ZBTB40: variants seen among roughly 807,000 people sequenced by gnomAD.
ZBTB40 encodes the protein zinc finger and BTB domain-containing protein 40.
ZBTB40 carries 60 observed loss-of-function variants against 117.5 expected under a neutral mutation model. The observed-to-expected ratio is 0.51, with a 90% CI of 0.41 to 0.63. ZBTB40 has a LOEUF of 0.63. ZBTB40 is among the 30% of genes least tolerant of loss of function. ZBTB40 has a pLI of 0.00. For missense variants in ZBTB40, 1,287 were observed against 1,498.5 expected, an observed-to-expected ratio of 0.86 and a Z score of 2.33; for synonymous variants, 525 against 577.1, an observed-to-expected ratio of 0.91 and a Z score of 1.29.
chr1:22,443,496 T>G (rs1640756063), intron 1 of ZBTB40, among the ~76,000 whole-genome samples: 1 of 152,250 alleles, frequency 6.6e-6, no homozygotes, highest in Admixed American at 6.5e-5. Context: ...AGAGTTGAAG[T>G]CAGCAGAAAG....
At chr1:22,487,214 C>G (rs1212688462) in intron 1 of ZBTB40, among the ~76,000 whole-genome samples, 1 of 152,090 alleles carries the variant, frequency 6.6e-6, no homozygotes. Flanking sequence ...CCTGACATAC[C>G]AGAATGGAAA....
intron 5 of ZBTB40, among the ~76,000 whole-genome samples, chr1:22,503,064 C>A (rs1409016858): frequency 1.3e-5 from 2 of 150,918 alleles, no homozygotes; most frequent in African/African-American, 4.9e-5. Context: ...TAATACATGT[C>A]TATACCTATA....
chr1:22,480,087 A>G (rs1298762379), intron 1 of ZBTB40, among the ~76,000 whole-genome samples: 1 of 152,112 alleles, frequency 6.6e-6, no homozygotes, highest in Admixed American at 6.6e-5. Flanking sequence ...TTATATTTTT[A>G]GTAGAGACGG....
intron 2 of ZBTB40, among the ~76,000 whole-genome samples, chr1:22,491,130 C>T (rs1638619456): frequency 6.6e-6 from 1 of 152,174 alleles, no homozygotes; most frequent in South Asian, 2.1e-4. Context: ...TTCCTGACCT[C>T]ATGATCCACC....
rs561766708 is a variant in ZBTB40 at position 22,513,338 on chromosome 1, G to A, written c.2668+208G>A. On this transcript the variant is annotated intron_variant, in intron 12 of 17. Transcript: ENST00000375647. The surrounding 1 kb of genome is among the most constrained non-coding windows in gnomAD (Gnocchi z 4.9). ...ACAGAGGATAAATGCTGGAGGGGAT[G>A]GATCTCTCATTCTCCCTGATGCAGT... Among the ~76,000 whole-genome samples the A allele has an allele frequency of 9.2e-5, 14 of 152,276 alleles. No homozygotes were observed. In the South Asian group the frequency reaches 2.9e-3, roughly 32 times the overall value.
At chr1:22,462,551 T>C (rs767061766) in intron 1 of ZBTB40, among the ~76,000 whole-genome samples, 1 of 152,232 alleles carries the variant, frequency 6.6e-6, no homozygotes, top group Non-Finnish European at 1.5e-5. Flanking sequence ...AGAATATATA[T>C]CTAAGCCATA....
chr1:22,526,319 A>G lies in ZBTB40; in HGVS notation c.3643A>G (p.Ser1215Gly). ...TLPDSQASQA[S>G]SELVAVTVED... The stretch of plus-strand genomic sequence containing the variant: ...GCCAGATTCTCAGGCATCTCAGGCC[A>G]GCTCTGAGCTCGTGGCGGTGACTGT... The change falls in exon 18 of 18, where the codon AGC (serine) becomes GGC (glycine). Residue 1215 changes from serine (S) to glycine (G), a missense_variant. Physicochemically the swap from Ser to Gly is moderately conservative, Grantham distance 56. This residue lies in a region of ZBTB40 where 417 missense variants were observed against 564.1 expected (regional missense o/e 0.74). Coordinates refer to ENST00000375647, the MANE Select transcript of ZBTB40 (RefSeq NM_014870.4). 6 of 1,614,204 alleles carry G rather than the reference A, an allele frequency of 3.7e-6. No homozygotes were observed. The highest frequency in any genetic ancestry group is 5.1e-6 in the Non-Finnish European group (6 of 1,180,038).
intron 3 of ZBTB40, among the ~76,000 whole-genome samples, chr1:22,494,073 CTCAGTAGGAGG>C (rs1284609673): frequency 1.3e-5 from 2 of 152,134 alleles, no homozygotes; most frequent in Non-Finnish European, 2.9e-5. Flanking sequence ...ATGCCAGGCA[CTCAGTAGGAGG>C]TCAGTAGGTA....
Position 22,495,111 on chromosome 1 carries a change from G to A in ZBTB40, c.831+3578G>A, listed in dbSNP as rs142181202. On this transcript the variant is annotated intron_variant, in intron 3 of 17. Coordinates refer to ENST00000375647, the MANE Select transcript of ZBTB40 (RefSeq NM_014870.4). ...AGTCTACTCCTGGATGTGTCATTCC[G>A]TTTCTGAAACACAGCTGTGAGGTGT... 3.9e-5 allele frequency among the ~76,000 whole-genome samples: 6 copies of A among 152,268 alleles called. No individual in the cohort carries two copies. In the East Asian group the frequency reaches 7.7e-4, roughly 20 times the overall value.
Position 22,502,446 on chromosome 1 carries a change from CTG to C in ZBTB40, c.1167+9_1167+10del. The stretch of plus-strand genomic sequence containing the variant: ...CTGACTGGCACTGAAAAAAGGGTAA[CTG>C]TGTCAAGTGTCTCCTCCCTCCTCCT... On this transcript the variant is annotated splice_donor_region_variant and intron_variant, in intron 5 of 17. Transcript: ENST00000375647. 5 of 1,614,010 alleles carry C rather than the reference CTG, an allele frequency of 3.1e-6. No individual in the cohort carries two copies. Among genetic ancestry groups the C allele is most frequent in the Non-Finnish European group, 3.4e-6 (4 of 1,179,914 alleles).
rs1639280114 is a variant in ZBTB40, at chr1:22,512,936, A to G, written c.2474A>G (p.His825Arg). 1.9e-6 allele frequency: 3 copies of G among 1,614,240 alleles called. No individual in the cohort carries two copies. Among genetic ancestry groups the G allele is most frequent in the Non-Finnish European group, 2.5e-6 (3 of 1,180,040 alleles). ...EFAHASGMQY[H>R]KLTEHFDEKP... ...TTGGCTTCCCTAGGCATGCAGTACC[A>G]TAAGCTGACAGAGCACTTCGATGAG... The change falls in exon 12 of 18, where the codon CAT (histidine) becomes CGT (arginine). Residue 825 changes from histidine (H) to arginine (R), a missense_variant. Physicochemically the swap from His to Arg is conservative, Grantham distance 29. This residue lies in a region of ZBTB40 where 417 missense variants were observed against 564.1 expected (regional missense o/e 0.74). Coordinates refer to ENST00000375647, the MANE Select transcript of ZBTB40 (RefSeq NM_014870.4).
Position 22,508,059 on chromosome 1 carries a change from C to T in ZBTB40, c.1419C>T (p.Leu473=), listed in dbSNP as rs1639121441. The T allele has an allele frequency of 6.2e-7, 1 of 1,614,058 alleles. No individual in the cohort carries two copies. ...TATTGAGACGCTATCATGAAAACCT[C>T]TCTGAGATTTTCACAGACAACCAGA... ...TELLRRYHEN[L]SEIFTDNQIL... Residue 473 remains leucine (L), a synonymous_variant, in exon 7 of 18, where the codon CTC becomes CTT. Coordinates refer to ENST00000375647, the MANE Select transcript of ZBTB40 (RefSeq NM_014870.4).
At chr1:22,474,485 A>G (rs888126651) in intron 1 of ZBTB40, among the ~76,000 whole-genome samples, 5 of 152,208 alleles carry the variant, frequency 3.3e-5, no homozygotes, top group Non-Finnish European at 7.3e-5. Context: ...TCCTCCTTGC[A>G]TCCTCAGAAA....
Position 22,502,303 on chromosome 1 carries a change from C to T in ZBTB40, c.1029C>T (p.Ser343=). 6.2e-7 allele frequency: 1 copy of T among 1,613,416 alleles called. No individual in the cohort carries two copies. The highest frequency in any genetic ancestry group is 1.7e-5 in the Admixed American group (1 of 59,976). The change falls in exon 5 of 18, where the codon AGC becomes AGT. Residue 343 remains serine (S), a synonymous_variant. Coordinates refer to ENST00000375647, the MANE Select transcript of ZBTB40 (RefSeq NM_014870.4). ...CTCTAACTCTTTCTCCCCCAGGGAGCACAGAGGAGGGAAAGACCTTGTCTG... is the reference window on the plus strand; with the variant it reads ...CTCTAACTCTTTCTCCCCCAGGGAGTACAGAGGAGGGAAAGACCTTGTCTG... ...EDVDTVQPKG[S]TEEGKTLSVL...
upstream of ZBTB40, among the ~76,000 whole-genome samples, chr1:22,449,739 T>C (rs1375133608): frequency 2.0e-5 from 3 of 152,230 alleles, no homozygotes; most frequent in African/African-American, 7.2e-5. Flanking sequence ...TCCCAATAAC[T>C]GAGTACACTT....
At chr1:22,451,636 T>G, upstream of ZBTB40, among the ~76,000 whole-genome samples, 1 of 146,390 alleles carries the variant, frequency 6.8e-6, no homozygotes, top group African/African-American at 2.5e-5. Flanking sequence ...CAAGAGCGAA[T>G]CTCCCATCTC....
chr1:22,518,704 C>A (rs1420890514), intron 13 of ZBTB40, among the ~76,000 whole-genome samples: 1 of 152,152 alleles, frequency 6.6e-6, no homozygotes, highest in Non-Finnish European at 1.5e-5. Context: ...TTGGGTGATG[C>A]AGGGGGAAAA....
chr1:22,489,739 C>G, intron 1 of ZBTB40, 141 bp from the exon 2 acceptor site: 3 of 626,962 alleles, frequency 4.8e-6, no homozygotes, highest in Non-Finnish European at 8.6e-6. Flanking sequence ...ATTTAGTATA[C>G]CTGGCATACT....
At chr1:22,467,062 G>GT (rs1395632245) in intron 1 of ZBTB40, among the ~76,000 whole-genome samples, 3 of 151,544 alleles carry the variant, frequency 2.0e-5, no homozygotes, top group Non-Finnish European at 2.9e-5. Context: ...TGTCTGCAGG[G>GT]TTTTTTTTAA....
Sources: gnomAD v4.1 joint callset for allele counts (sites outside exome capture counted in the v4.1 genomes callset) on GRCh38, gnomAD v4.1.1 for gene constraint, gnomAD v4.1.1 regional missense constraint, Gnocchi (gnomAD v3.1) non-coding constraint, MANE v1.5 for transcripts, NCBI Gene and HGNC (gene_info 2026-07-23, HGNC 2026-07-21) for gene names.